The following FGF12 variants were observed in gnomAD, a reference collection of about 807,000 sequenced individuals.
FGF12 encodes the protein fibroblast growth factor 12, also known as fibroblast growth factor 12B.
In FGF12, 14 loss-of-function variants were observed where a neutral mutation model predicts 23.6. The observed-to-expected ratio is 0.59, with a 90% CI of 0.39 to 0.93. FGF12 has a LOEUF of 0.93. FGF12 is among the 40% of genes least tolerant of loss of function. FGF12 has a pLI of 0.00. For missense variants in FGF12, 175 were observed against 217.8 expected, an observed-to-expected ratio of 0.80 and a Z score of 1.24; for synonymous variants, 62 against 77.3, an observed-to-expected ratio of 0.80 and a Z score of 1.04.
intron 4 of FGF12, among the ~76,000 whole-genome samples, chr3:192,176,374 T>C (rs941279327): frequency 5.3e-5 from 8 of 152,246 alleles, no homozygotes; most frequent in African/African-American, 1.4e-4. Flanking sequence ...CACGATGGTT[T>C]TTCTTGCTCC....
chr3:192,244,223 T>C lies in FGF12; in HGVS notation c.229-73567A>G, dbSNP rs115624603. ...CTTTTAGAAATTTACTCTGCAGATA[T>C]ACTATAAAATGTGCAGAATACTGAT... On this transcript the variant is annotated intron_variant, in intron 4 of 5. Coordinates refer to ENST00000445105, the MANE Select transcript of FGF12 (RefSeq NM_004113.6). Among the ~76,000 whole-genome samples the C allele has an allele frequency of 8.6e-3, 1,309 of 152,236 alleles. 19 individuals carry two copies. The highest frequency in any genetic ancestry group is 0.03 in the African/African-American group (1,241 of 41,562).
At chr3:192,450,157 C>T (rs1722477357) in intron 2 of FGF12, among the ~76,000 whole-genome samples, 3 of 152,076 alleles carry the variant, frequency 2.0e-5, no homozygotes, top group Non-Finnish European at 4.4e-5. Context: ...CCATTTTTCC[C>T]ACTGCACCAA....
intron 2 of FGF12, among the ~76,000 whole-genome samples, chr3:192,636,893 G>A (rs143335919): frequency 1.3e-5 from 2 of 152,178 alleles, no homozygotes; most frequent in African/African-American, 4.8e-5. Context: ...GCCATGAGAG[G>A]AGAAGGGCAA....
chr3:192,320,400 G>A (rs1179944377), intron 4 of FGF12, among the ~76,000 whole-genome samples: 1 of 152,052 alleles, frequency 6.6e-6, no homozygotes, highest in East Asian at 1.9e-4. Flanking sequence ...TTTCTGCATT[G>A]GACAGATCAT....
At chr3:192,685,255 G>C (rs1415811921) in intron 2 of FGF12, among the ~76,000 whole-genome samples, 1 of 152,128 alleles carries the variant, frequency 6.6e-6, no homozygotes, top group East Asian at 1.9e-4. Flanking sequence ...GTTTCACCGT[G>C]TTAGTCAGGA....
chr3:192,518,440 TATCTA>T (rs1724733495), intron 2 of FGF12, among the ~76,000 whole-genome samples: 1 of 152,202 alleles, frequency 6.6e-6, no homozygotes, highest in Admixed American at 6.5e-5. Flanking sequence ...AATTGTGACT[TATCTA>T]AGATATTTTT....
At chr3:192,726,940 A>C in intron 2 of FGF12, 3 of 550,052 alleles carry the variant, frequency 5.5e-6, no homozygotes, top group South Asian at 2.8e-5. Flanking sequence ...CTCCCCCCAA[A>C]AAACTCATCA....
intron 2 of FGF12, among the ~76,000 whole-genome samples, chr3:192,571,958 T>A (rs781409): frequency 0.14 from 18,813 of 138,090 alleles, 1,496 homozygotes; most frequent in Non-Finnish European, 0.19. Context: ...TTTTTTTTTT[T>A]AATTTTAGTT....
intron 2 of FGF12, among the ~76,000 whole-genome samples, chr3:192,503,729 C>T (rs1199022397): frequency 3.3e-5 from 5 of 151,480 alleles, no homozygotes; most frequent in African/African-American, 7.3e-5. Context: ...CCTCAGCCTC[C>T]GGAGTAGCTG....
At chr3:192,608,384 GCAT>G (rs1331408819) in intron 2 of FGF12, among the ~76,000 whole-genome samples, 1 of 152,084 alleles carries the variant, frequency 6.6e-6, no homozygotes, top group Non-Finnish European at 1.5e-5. Flanking sequence ...ATTATGCATT[GCAT>G]GCCTGTATCA....
At chr3:192,227,593 A>G (rs952715814) in intron 4 of FGF12, among the ~76,000 whole-genome samples, 2 of 151,344 alleles carry the variant, frequency 1.3e-5, no homozygotes, top group Non-Finnish European at 2.9e-5. Context: ...AAAAAAAAAA[A>G]AAAAAGAAAA....
chr3:192,349,901 C>T (rs1435216137), intron 3 of FGF12, among the ~76,000 whole-genome samples: 1 of 152,102 alleles, frequency 6.6e-6, no homozygotes, highest in East Asian at 1.9e-4. Flanking sequence ...TCAACAAATA[C>T]TGAATACCTA....
At chr3:192,657,279 A>T (rs981671085) in intron 2 of FGF12, among the ~76,000 whole-genome samples, 9 of 152,312 alleles carry the variant, frequency 5.9e-5, no homozygotes, top group East Asian at 5.8e-4. Flanking sequence ...GTATTAGAGC[A>T]AATGAAATAT....
chr3:192,499,403 T>G (rs1724052818), intron 2 of FGF12, among the ~76,000 whole-genome samples: 1 of 144,702 alleles, frequency 6.9e-6, no homozygotes, highest in Admixed American at 7.0e-5. Context: ...ACTTGGGGCT[T>G]TGAAAAAACA....
At chr3:192,461,871 T>C (rs1722874156) in intron 2 of FGF12, among the ~76,000 whole-genome samples, 1 of 152,010 alleles carries the variant, frequency 6.6e-6, no homozygotes, top group Non-Finnish European at 1.5e-5. Context: ...GTGCCTGTAA[T>C]TCCAGCTACT....
intron 2 of FGF12, among the ~76,000 whole-genome samples, chr3:192,427,218 T>C (rs980394442): frequency 2.0e-5 from 3 of 151,918 alleles, no homozygotes; most frequent in Admixed American, 6.6e-5. Flanking sequence ...CCGTCTCTAC[T>C]AAAAATACAA....
chr3:192,239,126 T>C lies in FGF12; in HGVS notation c.229-68470A>G, dbSNP rs529217783. Among the ~76,000 whole-genome samples the C allele has an allele frequency of 3.3e-5, 5 of 152,310 alleles. No individual in the cohort carries two copies. In the East Asian group the frequency reaches 9.7e-4, roughly 29 times the overall value. On this transcript the variant is annotated intron_variant, in intron 4 of 5. Coordinates refer to ENST00000445105, the MANE Select transcript of FGF12 (RefSeq NM_004113.6). ...TATGTGTAACATGTAGAAGTGTACA[T>C]GGCCCAAAATATAAATTGAGCCCAA...
At chr3:192,639,676 C>T (rs1715717425) in intron 2 of FGF12, among the ~76,000 whole-genome samples, 1 of 152,208 alleles carries the variant, frequency 6.6e-6, no homozygotes. Context: ...TGCATCTGTA[C>T]TGAACATGTA....
At chr3:192,592,897 T>C (rs1393848124) in intron 2 of FGF12, among the ~76,000 whole-genome samples, 1 of 151,880 alleles carries the variant, frequency 6.6e-6, no homozygotes, top group Non-Finnish European at 1.5e-5. Context: ...TGACTGACTA[T>C]GATAAATACA....
Sources: allele counts gnomAD v4.1 joint callset (sites outside exome capture counted in the v4.1 genomes callset), GRCh38; gene constraint gnomAD v4.1.1; transcripts MANE v1.5; gene names NCBI Gene and HGNC (gene_info 2026-07-23, HGNC 2026-07-21).